DNM3: variants seen among roughly 807,000 people sequenced by gnomAD.
The protein encoded by DNM3 is dynamin 3.
In DNM3, 47 loss-of-function variants were observed where a neutral mutation model predicts 101.6. The observed-to-expected ratio is 0.46, with a 90% CI of 0.37 to 0.59. The LOEUF is 0.59. DNM3 is among the 20% of genes least tolerant of loss of function. The pLI is 0.00. For synonymous variants in DNM3, 385 were observed against 387.9 expected (o/e 0.99, Z 0.09); for missense variants, 849 against 1,085.7 (o/e 0.78, Z 3.06).
At chr1:171,884,003 C>A (rs1558210748) in intron 1 of DNM3, among the ~76,000 whole-genome samples, 1 of 152,196 alleles carries the variant, frequency 6.6e-6, no homozygotes, top group Non-Finnish European at 1.5e-5. Flanking sequence ...TTGTCATTCT[C>A]TTGGTCTGAC....
Position 172,411,293 on chromosome 1 carries a change from G to A in DNM3, c.*3452G>A. ...TAACTCCAGATTGTAGTCATTTTGA[G>A]AGGTACAAAGCTCATAATTACCATG... On this transcript the variant is annotated 3_prime_UTR_variant, in exon 21 of 21. Coordinates refer to ENST00000627582, the MANE Select transcript of DNM3 (RefSeq NM_015569.5). The A allele has an allele frequency of 1.0e-6, 1 of 985,148 alleles. No individual in the cohort carries two copies. Among genetic ancestry groups the A allele is most frequent in the African/African-American group, 1.7e-5 (1 of 57,300 alleles). 61.0% of individuals were successfully genotyped at this position (985,148 alleles called of 1,614,324 possible). A position where few individuals can be genotyped will look rare whatever the true frequency, so the allele number is the denominator to read the frequency against.
intron 15 of DNM3, among the ~76,000 whole-genome samples, chr1:172,254,759 T>TA (rs1240368185): frequency 6.6e-6 from 1 of 152,074 alleles, no homozygotes; most frequent in African/African-American, 2.4e-5. Context: ...GCAGTAAAGT[T>TA]AAATAAGCAA....
intron 2 of DNM3, among the ~76,000 whole-genome samples, chr1:171,927,724 G>T (rs1289190693): frequency 6.6e-6 from 1 of 152,170 alleles, no homozygotes; most frequent in African/African-American, 2.4e-5. Context: ...GAATATGGAG[G>T]GAGCTGGCTA....
intron 11 of DNM3, among the ~76,000 whole-genome samples, chr1:172,072,562 G>A (rs2052285550): frequency 6.6e-6 from 1 of 152,172 alleles, no homozygotes; most frequent in South Asian, 2.1e-4. Context: ...TTATATATAT[G>A]TATATGTGAG....
chr1:172,097,160 G>A (rs544004065), intron 13 of DNM3, among the ~76,000 whole-genome samples: 1 of 152,122 alleles, frequency 6.6e-6, no homozygotes, highest in Non-Finnish European at 1.5e-5. Flanking sequence ...CCAGCACTTT[G>A]GGAGGCCGAG....
intron 17 of DNM3, among the ~76,000 whole-genome samples, chr1:172,351,704 A>G (rs1035822619): frequency 2.0e-5 from 3 of 152,202 alleles, no homozygotes; most frequent in African/African-American, 7.2e-5. Flanking sequence ...TACATGGGTG[A>G]AAGGAAAACA....
intron 15 of DNM3, among the ~76,000 whole-genome samples, chr1:172,259,117 ATAT>A (rs2062540376): frequency 1.3e-5 from 2 of 151,762 alleles, no homozygotes; most frequent in African/African-American, 4.8e-5. Flanking sequence ...AAGATACTTG[ATAT>A]GATTTTGATT....
chr1:171,950,397 T>C (rs1046743099), intron 2 of DNM3, among the ~76,000 whole-genome samples: 1 of 152,138 alleles, frequency 6.6e-6, no homozygotes, highest in Non-Finnish European at 1.5e-5. Flanking sequence ...CATGAGATCA[T>C]GAGGTAAACA....
At chr1:171,932,830 A>G (rs1385088296) in intron 2 of DNM3, among the ~76,000 whole-genome samples, 5 of 152,234 alleles carry the variant, frequency 3.3e-5, no homozygotes, top group Non-Finnish European at 7.3e-5. Context: ...CTGAGAAAAG[A>G]GACATTGACT....
At chr1:171,895,644 T>G (rs1004420865) in intron 1 of DNM3, among the ~76,000 whole-genome samples, 1 of 152,158 alleles carries the variant, frequency 6.6e-6, no homozygotes. Flanking sequence ...TTAGTTTAAT[T>G]AGATCCCATT....
intron 4 of DNM3, among the ~76,000 whole-genome samples, chr1:172,020,745 G>C (rs200871028): frequency 1.0e-5 from 1 of 96,002 alleles, no homozygotes; most frequent in Non-Finnish European, 2.0e-5. Flanking sequence ...AAAAAAAAAA[G>C]AACAGAATGT....
chr1:172,246,769 A>G (rs1041135445), intron 14 of DNM3, among the ~76,000 whole-genome samples: 1 of 152,152 alleles, frequency 6.6e-6, no homozygotes, highest in Non-Finnish European at 1.5e-5. Flanking sequence ...GTATGGTTAC[A>G]TAACTCTGTG....
intron 6 of DNM3, among the ~76,000 whole-genome samples, chr1:172,034,803 G>C (rs2048844863): frequency 1.3e-5 from 2 of 152,056 alleles, no homozygotes; most frequent in African/African-American, 2.4e-5. Flanking sequence ...TTCACTGTCG[G>C]GGGAAGGCAG....
intron 12 of DNM3, among the ~76,000 whole-genome samples, chr1:172,091,872 G>A (rs2147814275): frequency 6.6e-6 from 1 of 152,276 alleles, no homozygotes; most frequent in Non-Finnish European, 1.5e-5. Context: ...TCCAGATGAG[G>A]GATGGCAGTG....
At chr1:172,200,811 C>G (rs990519976) in intron 14 of DNM3, among the ~76,000 whole-genome samples, 5 of 152,028 alleles carry the variant, frequency 3.3e-5, no homozygotes, top group Non-Finnish European at 5.9e-5. Flanking sequence ...TATTGTGATT[C>G]TTATTTTCTT....
intron 2 of DNM3, among the ~76,000 whole-genome samples, chr1:171,956,746 C>A (rs2125480199): frequency 6.6e-6 from 1 of 152,330 alleles, no homozygotes; most frequent in South Asian, 2.1e-4. Flanking sequence ...CCTGCCCCTG[C>A]AGCAAACTTC....
intron 1 of DNM3, among the ~76,000 whole-genome samples, chr1:171,913,082 C>G (rs1478737262): frequency 2.0e-5 from 3 of 152,160 alleles, no homozygotes; most frequent in Admixed American, 6.5e-5. Flanking sequence ...GGGGAGAACA[C>G]TTAGTATTTG....
intron 14 of DNM3, among the ~76,000 whole-genome samples, chr1:172,235,315 T>C (rs1054709712): frequency 6.6e-6 from 1 of 152,118 alleles, no homozygotes; most frequent in African/African-American, 2.4e-5. Flanking sequence ...TCACACCAGT[T>C]AGAATGGCAA....
At chr1:171,956,235 G>C (rs151079727) in intron 2 of DNM3, among the ~76,000 whole-genome samples, 1 of 152,132 alleles carries the variant, frequency 6.6e-6, no homozygotes, top group African/African-American at 2.4e-5. Context: ...GAGACAAGGC[G>C]AGTCCCTTCT....
Sources: allele counts gnomAD v4.1 joint callset (sites outside exome capture counted in the v4.1 genomes callset), GRCh38; gene constraint gnomAD v4.1.1; transcripts MANE v1.5; gene names NCBI Gene and HGNC (gene_info 2026-07-23, HGNC 2026-07-21).